Variants in CAST observed in about 807,000 individuals in gnomAD.
CAST encodes the protein calpastatin.
A neutral mutation model predicts 119.6 loss-of-function variants in CAST; 76 were observed. The observed-to-expected ratio is 0.64, with a 90% CI of 0.53 to 0.77. The LOEUF (loss-of-function observed/expected upper bound fraction) is 0.77, where lower values mean the gene tolerates loss of function less well. CAST is among the 30% of genes least tolerant of loss of function. The probability of loss-of-function intolerance (pLI) is 0.00; values close to 1 mark genes in which losing one functional copy is unlikely to be tolerated. For synonymous variants in CAST, 319 were observed against 331.6 expected, an observed-to-expected ratio of 0.96 and a Z score of 0.41; for missense variants, 953 against 946.5, an observed-to-expected ratio of 1.01 and a Z score of -0.09.
the CAST span, among the ~76,000 whole-genome samples, chr5:96,047,634 A>C: frequency 6.6e-6 from 1 of 152,224 alleles, no homozygotes. Flanking sequence ...GCATTCATTC[A>C]TCTATTAACT....
intron 1 of CAST, among the ~76,000 whole-genome samples, chr5:96,624,454 T>C (rs923836685): frequency 2.6e-5 from 4 of 152,274 alleles, no homozygotes. Context: ...GAAGGAATTA[T>C]AGCAGAATTA....
At chr5:96,438,214 T>C in the CAST span, among the ~76,000 whole-genome samples, 1 of 152,282 alleles carries the variant, frequency 6.6e-6, no homozygotes, top group East Asian at 1.9e-4. Flanking sequence ...TTTTTCCAAC[T>C]TTTTATTTTG....
intron 2 of CAST, among the ~76,000 whole-genome samples, chr5:96,691,196 G>A (rs1272956515): frequency 6.6e-6 from 1 of 152,142 alleles, no homozygotes; most frequent in Non-Finnish European, 1.5e-5. Flanking sequence ...TGGGACCACT[G>A]TTCCATATAC....
chr5:96,508,795 G>A, the CAST span, among the ~76,000 whole-genome samples: 1 of 152,242 alleles, frequency 6.6e-6, no homozygotes, highest in African/African-American at 2.4e-5. Context: ...AGAGTCATAA[G>A]CTTGTAAAGT....
intron 1 of CAST, among the ~76,000 whole-genome samples, chr5:96,547,250 T>A (rs2150181261): frequency 6.6e-6 from 1 of 152,238 alleles, no homozygotes; most frequent in Non-Finnish European, 1.5e-5. Flanking sequence ...ATACGCAAGC[T>A]GAAGAACCAG....
At chr5:96,598,166 A>G (rs555852794) in intron 1 of CAST, among the ~76,000 whole-genome samples, 17 of 152,350 alleles carry the variant, frequency 1.1e-4, no homozygotes, top group Non-Finnish European at 1.6e-4. Context: ...GTGCTTCTCT[A>G]TAAATAAGCT....
chr5:96,497,937 A>G, the CAST span, among the ~76,000 whole-genome samples: 2 of 152,330 alleles, frequency 1.3e-5, no homozygotes, highest in South Asian at 4.1e-4. Flanking sequence ...GTCCTTGCCC[A>G]TGCATATGTC....
At chr5:96,423,434 A>C in the CAST span, 1 of 1,614,124 alleles carries the variant, frequency 6.2e-7, no homozygotes, top group South Asian at 1.1e-5. Context: ...CAGCTTGGGC[A>C]GGGCTGCCGT....
chr5:96,562,595 TAC>T (rs1448583253), intron 1 of CAST, among the ~76,000 whole-genome samples: 4 of 152,210 alleles, frequency 2.6e-5, no homozygotes, highest in Admixed American at 6.5e-5. Flanking sequence ...AAATTACATG[TAC>T]ACACACTATT....
chr5:96,555,955 C>G (rs566488929), intron 1 of CAST, among the ~76,000 whole-genome samples: 1 of 152,168 alleles, frequency 6.6e-6, no homozygotes, highest in Non-Finnish European at 1.5e-5. Flanking sequence ...CTGGGAGGCA[C>G]CCCCCAGTAG....
At chr5:96,767,781 T>A (rs1011494176) in intron 28 of CAST, 126 bp from the exon 29 acceptor site, 1 of 649,626 alleles carries the variant, frequency 1.5e-6, no homozygotes, top group Non-Finnish European at 2.7e-6. Flanking sequence ...TTATTATTAA[T>A]AAAGAATGTC....
At chr5:96,360,425 T>A in the CAST span, among the ~76,000 whole-genome samples, 3 of 152,140 alleles carry the variant, frequency 2.0e-5, no homozygotes, top group Non-Finnish European at 4.4e-5. Context: ...GGTTTTTGAA[T>A]TTTCAGCCAT....
the CAST span, among the ~76,000 whole-genome samples, chr5:96,091,837 A>G: frequency 6.6e-6 from 1 of 152,122 alleles, no homozygotes; most frequent in Non-Finnish European, 1.5e-5. Flanking sequence ...TCTTCATGTG[A>G]TACAGGAATA....
chr5:96,338,862 T>C, the CAST span, among the ~76,000 whole-genome samples: 7 of 152,186 alleles, frequency 4.6e-5, no homozygotes, highest in Non-Finnish European at 1.0e-4. Context: ...CTACTTCTCA[T>C]GTTTCTGTCT....
chr5:96,727,235 A>T (rs1759425682), intron 5 of CAST, among the ~76,000 whole-genome samples: 1 of 152,236 alleles, frequency 6.6e-6, no homozygotes, highest in South Asian at 2.1e-4. Context: ...CATATCTTTG[A>T]TATACCTAGC....
chr5:96,650,997 C>G (rs1198596217), intron 1 of CAST, among the ~76,000 whole-genome samples: 5 of 152,102 alleles, frequency 3.3e-5, no homozygotes, highest in African/African-American at 1.2e-4. Context: ...CTGCTGTGCT[C>G]TCTCAGAATT....
At chr5:96,337,227 T>C in the CAST span, among the ~76,000 whole-genome samples, 3 of 151,974 alleles carry the variant, frequency 2.0e-5, no homozygotes, top group East Asian at 1.9e-4. Flanking sequence ...CACACACCCA[T>C]AGACACCCTA....
At chr5:96,342,320 G>C in the CAST span, among the ~76,000 whole-genome samples, 2 of 152,224 alleles carry the variant, frequency 1.3e-5, no homozygotes, top group Admixed American at 6.5e-5. Flanking sequence ...GTGTTTTTGA[G>C]GCAGTGGTTC....
intron 1 of CAST, among the ~76,000 whole-genome samples, chr5:96,619,416 A>G (rs780659319): frequency 6.7e-6 from 1 of 149,646 alleles, no homozygotes; most frequent in East Asian, 1.9e-4. Context: ...CTGTAAAATG[A>G]ACCAATCAGC....
Sources: allele counts gnomAD v4.1 joint callset (sites outside exome capture counted in the v4.1 genomes callset), GRCh38; gene constraint gnomAD v4.1.1; transcripts MANE v1.5; gene names NCBI Gene and HGNC (gene_info 2026-07-23, HGNC 2026-07-21).